PRKCI: variants seen among roughly 807,000 people sequenced by gnomAD.
PRKCI encodes the protein protein kinase C iota.
PRKCI carries 43 observed loss-of-function variants against 84.0 expected under a neutral mutation model. The ratio of observed to expected loss-of-function variants is 0.51; its 90% CI spans 0.40 to 0.66. The LOEUF is 0.66. Ranked by LOEUF, PRKCI falls within the 30% of genes least tolerant of loss-of-function variation. PRKCI has a pLI of 0.00. For missense variants in PRKCI, 459 were observed against 745.6 expected, an observed-to-expected ratio of 0.62 and a Z score of 4.48; for synonymous variants, 216 against 234.4, an observed-to-expected ratio of 0.92 and a Z score of 0.72.
At chr3:170,253,761 A>G (rs958677264) in intron 2 of PRKCI, among the ~76,000 whole-genome samples, 7 of 152,010 alleles carry the variant, frequency 4.6e-5, no homozygotes, top group African/African-American at 1.7e-4. Flanking sequence ...ACTGCACTCC[A>G]GCCTGGGCGA....
At chr3:170,270,584 T>TC in intron 6 of PRKCI, 23 bp downstream of exon 6, 1 of 1,578,730 alleles carries the variant, frequency 6.3e-7, no homozygotes, top group Non-Finnish European at 8.6e-7. Flanking sequence ...TCCTTTTTTT[T>TC]TTTTTTTTTT....
intron 2 of PRKCI, among the ~76,000 whole-genome samples, chr3:170,247,685 G>A (rs544341864): frequency 1.4e-4 from 19 of 138,750 alleles, no homozygotes; most frequent in Admixed American, 1.2e-3. Flanking sequence ...AGCCAAGATC[G>A]TGCCATTGCA....
At chr3:170,293,337 A>G (rs1412063548) in intron 13 of PRKCI, 46 bp from the exon 14 acceptor site, 9 of 1,541,398 alleles carry the variant, frequency 5.8e-6, no homozygotes, top group South Asian at 4.9e-5. Flanking sequence ...CTAACTTTCA[A>G]GAATGCAAAG....
intron 1 of PRKCI, among the ~76,000 whole-genome samples, chr3:170,234,549 T>G (rs774258842): frequency 7.2e-5 from 11 of 152,206 alleles, no homozygotes; most frequent in Admixed American, 2.0e-4. Flanking sequence ...TCAAGAAAGA[T>G]AATTTTACAC....
intron 3 of PRKCI, 108 bp from the exon 4 acceptor site, chr3:170,263,271 G>T (rs1260787159): frequency 1.2e-5 from 10 of 815,638 alleles, no homozygotes; most frequent in Non-Finnish European, 2.0e-5. Context: ...GTGAAGAGAG[G>T]GTCAGGTTGA....
At chr3:170,250,890 G>A (rs934860449) in intron 2 of PRKCI, among the ~76,000 whole-genome samples, 4 of 152,098 alleles carry the variant, frequency 2.6e-5, no homozygotes, top group African/African-American at 9.7e-5. Context: ...ATCAAAAATA[G>A]TGTACCTGTG....
chr3:170,235,052 C>G (rs752338442), intron 1 of PRKCI, among the ~76,000 whole-genome samples, 178 bp from the exon 2 acceptor site: 1 of 151,998 alleles, frequency 6.6e-6, no homozygotes, highest in Admixed American at 6.6e-5. Context: ...AGTGCATGAG[C>G]CACCGTGCCC....
chr3:170,294,320 A>T (rs1459539210), intron 14 of PRKCI, among the ~76,000 whole-genome samples: 1 of 152,228 alleles, frequency 6.6e-6, no homozygotes, highest in Non-Finnish European at 1.5e-5. Context: ...CAGAATCCAA[A>T]GAAGTATGAA....
In PRKCI at chr3:170,303,129, C is replaced by T. The variant is rs1734862681; in HGVS notation, c.*2C>T. 1.9e-6 allele frequency: 3 copies of T among 1,589,610 alleles called. No individual in the cohort carries two copies. Among genetic ancestry groups the T allele is most frequent in the Non-Finnish European group, 2.6e-6 (3 of 1,165,818 alleles). On this transcript the variant is annotated 3_prime_UTR_variant, in exon 18 of 18. Transcript: ENST00000295797. ...ATGTCTGCAGAAGAATGTGTCTGATCCTCATTTTTCAACCATGTATTCTAC... is the reference window on the plus strand; with the variant it reads ...ATGTCTGCAGAAGAATGTGTCTGATTCTCATTTTTCAACCATGTATTCTAC...
intron 2 of PRKCI, among the ~76,000 whole-genome samples, chr3:170,249,882 T>A (rs944544158): frequency 1.3e-5 from 2 of 152,222 alleles, no homozygotes; most frequent in African/African-American, 4.8e-5. Context: ...AGTCTTTTTT[T>A]AATGAATTAC....
intron 1 of PRKCI, among the ~76,000 whole-genome samples, chr3:170,235,025 C>T (rs1165638112): frequency 6.6e-6 from 1 of 151,966 alleles, no homozygotes; most frequent in East Asian, 1.9e-4. Context: ...AGTGATCTGC[C>T]CAGCTCAGCC....
At chr3:170,290,385 TA>T (rs1355305158) in intron 12 of PRKCI, among the ~76,000 whole-genome samples, 2 of 152,092 alleles carry the variant, frequency 1.3e-5, no homozygotes, top group African/African-American at 4.8e-5. Flanking sequence ...CTTTATGACC[TA>T]ATATATGGCC....
At chr3:170,290,900 G>A (rs1426290658) in intron 12 of PRKCI, among the ~76,000 whole-genome samples, 2 of 152,100 alleles carry the variant, frequency 1.3e-5, no homozygotes, top group African/African-American at 4.8e-5. Flanking sequence ...CACTTTGGGA[G>A]GCCGAGGTGG....
At chr3:170,262,721 C>T (rs1733758644) in intron 3 of PRKCI, among the ~76,000 whole-genome samples, 1 of 152,126 alleles carries the variant, frequency 6.6e-6, no homozygotes, top group Non-Finnish European at 1.5e-5. Context: ...TCAAGTCATC[C>T]ACCCACCTTG....
rs76318375 is a variant in PRKCI, at chr3:170,232,283, C to T, written c.102-2947C>T. ...CCAGGCAGGCCTCGAACTCCTGTAC[C>T]GAAGCGATCCTCCCACATTGGCCTT... On this transcript the variant is annotated intron_variant, in intron 1 of 17. Coordinates refer to ENST00000295797, the MANE Select transcript of PRKCI (RefSeq NM_002740.6). Among the ~76,000 whole-genome samples the T allele has an allele frequency of 3.3e-3, 502 of 152,190 alleles. 20 individuals are homozygous for T. In the East Asian group the frequency reaches 0.085, roughly 26 times the overall value.
At chr3:170,294,227 C>A (rs1258346852) in intron 14 of PRKCI, among the ~76,000 whole-genome samples, 1 of 151,928 alleles carries the variant, frequency 6.6e-6, no homozygotes, top group Non-Finnish European at 1.5e-5. Context: ...GATGAGTGAT[C>A]AAAAGATGGG....
At chr3:170,275,812 T>G (rs1238116940) in intron 8 of PRKCI, among the ~76,000 whole-genome samples, 2 of 152,188 alleles carry the variant, frequency 1.3e-5, no homozygotes, top group African/African-American at 4.8e-5. Flanking sequence ...CTTGGCAACC[T>G]TTTAAACCAT....
chr3:170,265,944 C>CT (rs1475933369), intron 4 of PRKCI, among the ~76,000 whole-genome samples: 2 of 152,024 alleles, frequency 1.3e-5, no homozygotes, highest in African/African-American at 4.8e-5. Flanking sequence ...CTGTATTAAG[C>CT]TATCCTGAGA....
At chr3:170,272,006 G>A (rs1734016937) in intron 6 of PRKCI, among the ~76,000 whole-genome samples, 1 of 152,080 alleles carries the variant, frequency 6.6e-6, no homozygotes, top group Admixed American at 6.6e-5. Context: ...GCTAATTTTT[G>A]TATTTTCAGT....
Sources: allele counts gnomAD v4.1 joint callset (sites outside exome capture counted in the v4.1 genomes callset), GRCh38; gene constraint gnomAD v4.1.1; transcripts MANE v1.5; gene names NCBI Gene and HGNC (gene_info 2026-07-23, HGNC 2026-07-21).